GPN3: variants seen among roughly 807,000 people sequenced by gnomAD.
GPN3 encodes GPN-loop GTPase 3, also known as ATP-binding domain 1 family member C.
In GPN3, 31 loss-of-function variants were observed where a neutral mutation model predicts 38.7. The ratio of observed to expected loss-of-function variants is 0.80; its 90% CI spans 0.60 to 1.08. GPN3 has a LOEUF of 1.08. Ranked by LOEUF, GPN3 falls within the 50% of genes least tolerant of loss-of-function variation. The probability of loss-of-function intolerance (pLI) is 0.00; values close to 1 mark genes in which losing one functional copy is unlikely to be tolerated. For missense variants in GPN3, 301 were observed against 354.4 expected (o/e 0.85, Z 1.21); for synonymous variants, 116 against 120.2 (o/e 0.96, Z 0.23).
intron 2 of GPN3, among the ~76,000 whole-genome samples, chr12:110,462,691 G>C (rs577387635): frequency 6.6e-6 from 1 of 151,736 alleles, no homozygotes; most frequent in Non-Finnish European, 1.5e-5. Flanking sequence ...GGGTTCAAGC[G>C]ATTCCCCTGT....
chr12:110,457,122 G>T (rs1464101366), intron 4 of GPN3, among the ~76,000 whole-genome samples: 2 of 151,838 alleles, frequency 1.3e-5, no homozygotes, highest in Non-Finnish European at 2.9e-5. Flanking sequence ...GGAATCATTT[G>T]TGAAATGTTC....
rs759226031 is a variant in GPN3 at position 110,455,559 on chromosome 12, C to CA, written c.663+26dup. ...ACAGGCATTAGCCACTGCACCTGGC[C>CA]AAAAAATCCAAACTTTAAAAGCTTA... On this transcript the variant is annotated intron_variant, in intron 6 of 7. Transcript: ENST00000228827. The CA allele has an allele frequency of 9.0e-6, 9 of 1,004,126 alleles. No homozygotes were observed. In the African/African-American group the frequency reaches 1.3e-4, roughly 14 times the overall value. The allele number at this position is 1,004,126 out of a possible 1,614,324, so 62.2% of individuals were successfully genotyped here.
intron 2 of GPN3, among the ~76,000 whole-genome samples, chr12:110,462,788 G>A (rs1447118015): frequency 6.7e-6 from 1 of 149,218 alleles, no homozygotes; most frequent in Admixed American, 6.7e-5. Context: ...ACGGAGTCTC[G>A]CTCTGTTGCC....
intron 1 of GPN3, among the ~76,000 whole-genome samples, chr12:110,465,698 CAATA>C (rs772071708): frequency 7.2e-5 from 11 of 152,138 alleles, no homozygotes; most frequent in Non-Finnish European, 1.2e-4. Context: ...ACGCCAAGAT[CAATA>C]AATAGTCTGG....
upstream of GPN3, chr12:110,468,484 G>C (rs188852690): frequency 3.3e-6 from 5 of 1,537,136 alleles, no homozygotes; most frequent in East Asian, 7.3e-5. Flanking sequence ...GAGTAATAAC[G>C]GACAACAGAT....
chr12:110,459,708 A>G lies in GPN3; in HGVS notation c.312T>C (p.Leu104=). Residue 104 remains leucine (L), a synonymous_variant, in exon 3 of 8, where the codon CTT becomes CTC. Transcript: ENST00000228827. The part of the protein sequence containing the change: ...CLGHVEDDYI[L]FDCPGQIELY... Reference sequence around the variant, plus strand: ...TTGTTGATTCACCTGGACAATCAAAAAGGATATAGTCGTCCTCTACATGGC... The same window carrying G: ...TTGTTGATTCACCTGGACAATCAAAGAGGATATAGTCGTCCTCTACATGGC... The G allele has an allele frequency of 1.9e-6, 3 of 1,610,956 alleles. No individual in the cohort carries two copies. The Admixed American group carries it at 5.0e-5, about 27-fold the overall frequency.
In GPN3 at chr12:110,455,633, A is replaced by T. The variant is rs146491938; in HGVS notation, c.616T>A (p.Leu206Ile). The change falls in exon 6 of 8, where the codon TTA (leucine) becomes ATA (isoleucine). Residue 206 changes from leucine to isoleucine, a missense_variant. Physicochemically the swap from Leu to Ile is conservative, Grantham distance 5. Transcript: ENST00000228827. ...AGTTTCTTGAATTTTTTGCTTCTTA[A>T]GTCACTTGTAGAATCTTCTAATAAA... is the stretch of plus-strand genomic sequence containing the variant. ...YSLLEDSTSD[L>I]RSKKFKKLTK... The T allele has an allele frequency of 3.5e-6, 5 of 1,433,300 alleles. No homozygotes were observed. The African/African-American group carries it at 7.0e-5, about 20-fold the overall frequency. 88.8% of individuals were successfully genotyped at this position (1,433,300 alleles called of 1,614,324 possible).
intron 2 of GPN3, among the ~76,000 whole-genome samples, chr12:110,460,832 C>T (rs529201927): frequency 3.9e-4 from 60 of 152,248 alleles, no homozygotes; most frequent in Non-Finnish European, 7.5e-4. Flanking sequence ...GGCATGGCGG[C>T]GCACGCCTGT....
intron 1 of GPN3, among the ~76,000 whole-genome samples, chr12:110,467,687 C>G (rs1000234468): frequency 1.8e-5 from 2 of 112,748 alleles, no homozygotes; most frequent in African/African-American, 9.3e-5. Flanking sequence ...CATGTACCAC[C>G]TACCACCTAA....
chr12:110,464,282 A>G (rs1393981794), intron 2 of GPN3, among the ~76,000 whole-genome samples: 1 of 151,758 alleles, frequency 6.6e-6, no homozygotes, highest in Non-Finnish European at 1.5e-5. Flanking sequence ...AGCAACCTCA[A>G]TGAGTACTTC....
At chr12:110,461,266 TG>T in intron 2 of GPN3, 1 of 1,327,692 alleles carries the variant, frequency 7.5e-7, no homozygotes, top group Non-Finnish European at 1.1e-6. Context: ...GAAAACGTAA[TG>T]AGGATGAAGA....
upstream of GPN3, chr12:110,468,694 T>C (rs1592971685): frequency 6.6e-7 from 1 of 1,524,340 alleles, no homozygotes; most frequent in South Asian, 1.2e-5. Context: ...GTGCAAACGC[T>C]CAGCGACCGC....
intron 2 of GPN3, among the ~76,000 whole-genome samples, chr12:110,460,739 G>A (rs1436190217): frequency 9.2e-5 from 14 of 152,144 alleles, no homozygotes. Context: ...GGCCGAGGTG[G>A]GGGGATCATG....
rs562297749 is a variant in GPN3 at position 110,465,202 on chromosome 12, C to T, written c.61G>A (p.Ala21Thr). 7.7e-5 allele frequency: 123 copies of T among 1,598,210 alleles called. 1 individual carries two copies. The South Asian group carries it at 1.3e-3, about 17-fold the overall frequency. Residue 21 changes from alanine (A) to threonine (T), a missense_variant, in exon 2 of 8, where the codon GCC becomes ACC. By Grantham distance (58) the Ala-to-Thr change is moderately conservative. Coordinates refer to ENST00000228827, the MANE Select transcript of GPN3 (RefSeq NM_016301.4). ...GCTTCACAGTGCTGGACCATGGTGG[C>T]ACAGTAGGTGCTCTGTAATGTCACA... is the stretch of plus-strand genomic sequence containing the variant. ...PAGSGKSTYC[A>T]TMVQHCEALN...
intron 1 of GPN3, 163 bp downstream of exon 1, chr12:110,467,993 T>C (rs1405573462): frequency 2.0e-6 from 2 of 1,013,422 alleles, no homozygotes; most frequent in East Asian, 4.8e-5. Context: ...TATTTCCCTT[T>C]CAAAACAACA....
Position 110,461,039 on chromosome 12 carries a change from A to C in GPN3, c.158-1177T>G, listed in dbSNP as rs1176295762. The C allele has an allele frequency of 1.9e-6, 3 of 1,589,744 alleles. No individual in the cohort carries two copies. The African/African-American group carries it at 4.0e-5, about 21-fold the overall frequency. ...GAAGAAAAAGGGCCATTCTGCCATC[A>C]ACGAAGTGGTAACCCGAGAATACAC... On this transcript the variant is annotated intron_variant, in intron 2 of 7. Transcript: ENST00000228827.
At chr12:110,460,368 C>T (rs1565844006) in intron 2 of GPN3, among the ~76,000 whole-genome samples, 1 of 152,144 alleles carries the variant, frequency 6.6e-6, no homozygotes, top group Non-Finnish European at 1.5e-5. Context: ...AGTACTTTTA[C>T]ATTATGAACC....
intron 1 of GPN3, among the ~76,000 whole-genome samples, chr12:110,465,639 T>C (rs1355992526): frequency 6.6e-6 from 1 of 152,186 alleles, no homozygotes; most frequent in African/African-American, 2.4e-5. Context: ...TATGAGTATA[T>C]GAGAAGGAGT....
intron 7 of GPN3, 61 bp from the exon 8 acceptor site, chr12:110,453,157 T>G: frequency 1.2e-6 from 1 of 812,418 alleles, no homozygotes; most frequent in South Asian, 1.5e-5. Flanking sequence ...AGAACTAGTA[T>G]GTGTTTATAT....
Sources: allele counts gnomAD v4.1 joint callset (sites outside exome capture counted in the v4.1 genomes callset), GRCh38; gene constraint gnomAD v4.1.1; transcripts MANE v1.5; gene names NCBI Gene and HGNC (gene_info 2026-07-23, HGNC 2026-07-21).